The following MATR3 variants were observed in gnomAD, a reference collection of about 807,000 sequenced individuals.
The protein encoded by MATR3 is matrin-3.
A neutral mutation model predicts 85.5 loss-of-function variants in MATR3; 4 were observed. That is an observed-to-expected ratio of 0.05 (90% CI 0.02 to 0.11). MATR3 has a LOEUF of 0.11. Among genes scored for constraint, MATR3 ranks in the 10% least tolerant of loss-of-function variants. The pLI is 1.00. For missense variants in MATR3, 685 were observed against 1,016.1 expected, an observed-to-expected ratio of 0.67 and a Z score of 4.43; for synonymous variants, 336 against 343.1, an observed-to-expected ratio of 0.98 and a Z score of 0.23.
At chr5:139,299,210 A>G (rs1021447353) in intron 1 of MATR3, among the ~76,000 whole-genome samples, 2 of 152,234 alleles carry the variant, frequency 1.3e-5, no homozygotes, top group South Asian at 2.1e-4. Context: ...AATAACTGGT[A>G]TTACATGAAA....
At chr5:139,280,398 A>T (rs1753471014) in intron 3 of MATR3, among the ~76,000 whole-genome samples, 1 of 152,226 alleles carries the variant, frequency 6.6e-6, no homozygotes, top group South Asian at 2.1e-4. Context: ...AGCCAATAGC[A>T]ATGTGTCTTT....
At chr5:139,317,264 C>CT (rs995471717) in intron 6 of MATR3, among the ~76,000 whole-genome samples, 159 bp downstream of exon 6, 1 of 152,200 alleles carries the variant, frequency 6.6e-6, no homozygotes, top group Non-Finnish European at 1.5e-5. Context: ...ACAGTTAAAA[C>CT]TTTAAATTTT....
intron 1 of MATR3, among the ~76,000 whole-genome samples, chr5:139,299,208 G>A (rs538723595): frequency 2.4e-4 from 36 of 152,144 alleles, no homozygotes; most frequent in Non-Finnish European, 4.9e-4. Flanking sequence ...AAAATAACTG[G>A]TATTACATGA....
intron 7 of MATR3, 100 bp downstream of exon 7, chr5:139,317,821 A>T: frequency 1.7e-6 from 2 of 1,199,764 alleles, no homozygotes; most frequent in Non-Finnish European, 2.4e-6. Context: ...AACTCAAGGT[A>T]ATCTTAAGTT....
At chr5:139,279,230 A>C in intron 3 of MATR3, 1 of 447,896 alleles carries the variant, frequency 2.2e-6, no homozygotes, top group Non-Finnish European at 4.5e-6. Context: ...GTAGAGTATC[A>C]GACTTTTTTT....
At position 139,322,932 on chromosome 5, in the gene MATR3, A is replaced by T. The variant is rs772009947; in HGVS notation, c.2113A>T (p.Ser705Cys). The change falls in exon 12 of 15, where the codon AGT (serine) becomes TGT (cysteine). Residue 705 changes from serine to cysteine, a missense_variant. By Grantham distance (112) the Ser-to-Cys change is moderately radical. This residue lies in a region of MATR3 where 215 missense variants were observed against 194.7 expected (regional missense o/e 1.10). Coordinates refer to ENST00000394805, the MANE Select transcript of MATR3 (RefSeq NM_018834.6). Reference protein sequence around the residue: ...PSDKAVKKDGSASAAAKKKLK... With the variant: ...PSDKAVKKDGCASAAAKKKLK... ...AGATAAAGCTGTGAAAAAAGATGGA[A>T]GTGCTTCAGCAGCAGCAAAGAAAAA... is the stretch of plus-strand genomic sequence containing the variant. 1.9e-6 allele frequency: 3 copies of T among 1,614,056 alleles called. No homozygotes were observed. Among genetic ancestry groups the T allele is most frequent in the Non-Finnish European group, 2.5e-6 (3 of 1,180,008 alleles).
At chr5:139,314,814 T>A in intron 3 of MATR3, 78 bp downstream of exon 3, 1 of 1,287,606 alleles carries the variant, frequency 7.8e-7, no homozygotes, top group Non-Finnish European at 1.1e-6. Context: ...GAGTTCATCA[T>A]TTACTTGTAA....
chr5:139,319,311 TTTG>T lies in MATR3; in HGVS notation c.1435-14_1435-12del, dbSNP rs976981491. On this transcript the variant is annotated intron_variant, in intron 8 of 14. Transcript: ENST00000394805. ...CTAATAATTATTGCACATTTGTCCT[TTTG>T]TTGTTGTTATTTATTAAAGAAACCT... The T allele has an allele frequency of 8.7e-6, 14 of 1,605,108 alleles. No homozygotes were observed. The highest frequency in any genetic ancestry group is 5.5e-5 in the South Asian group (5 of 90,796).
intron 1 of MATR3, among the ~76,000 whole-genome samples, chr5:139,275,053 G>C (rs927690618): frequency 6.7e-6 from 1 of 150,254 alleles, no homozygotes; most frequent in Non-Finnish European, 1.5e-5. Context: ...TCGGCTCACT[G>C]CAACCTCCGC....
chr5:139,302,623 G>T (rs1289227098), intron 1 of MATR3, among the ~76,000 whole-genome samples: 1 of 152,112 alleles, frequency 6.6e-6, no homozygotes, highest in Non-Finnish European at 1.5e-5. Flanking sequence ...CTGACCGCAG[G>T]AATCAATATT....
Position 139,308,076 on chromosome 5 carries a change from G to A in MATR3, c.661G>A (p.Asp221Asn). 3 of 1,614,140 alleles carry A rather than the reference G, an allele frequency of 1.9e-6. No homozygotes were observed. The highest frequency in any genetic ancestry group is 2.5e-6 in the Non-Finnish European group (3 of 1,180,010). The change falls in exon 2 of 15, where the codon GAT becomes AAT. Residue 221 changes from aspartate to asparagine, a missense_variant. Physicochemically the swap from Asp to Asn is conservative, Grantham distance 23 (BLOSUM62 1). Coordinates refer to ENST00000394805, the MANE Select transcript of MATR3 (RefSeq NM_018834.6). ...TTATTATGACAGAATGGATTATGAA[G>A]ATGACAGATTAAGAGATGGAGAAAG... Reference protein sequence around the residue: ...SGYYDRMDYEDDRLRDGERCR... With the variant: ...SGYYDRMDYENDRLRDGERCR...
chr5:139,329,482 T>G lies in MATR3; in HGVS notation c.*87T>G. On this transcript the variant is annotated 3_prime_UTR_variant, in exon 15 of 15. Transcript: ENST00000394805. The stretch of plus-strand genomic sequence containing the variant: ...CTTTTTTAAATACAATACTGATAGT[T>G]AGAAGAAAACTATTGTACTCTTTTG... The G allele has an allele frequency of 9.1e-7, 1 of 1,099,264 alleles. No homozygotes were observed. The highest frequency in any genetic ancestry group is 2.9e-4 in the Middle Eastern group (1 of 3,470). The allele number at this position is 1,099,264 out of a possible 1,614,324, so 68.1% of individuals were successfully genotyped here.
chr5:139,305,182 CTT>C (rs1427104866), intron 1 of MATR3, among the ~76,000 whole-genome samples: 2 of 152,128 alleles, frequency 1.3e-5, no homozygotes, highest in Admixed American at 6.6e-5. Context: ...TGTCTTGACT[CTT>C]TTCTGAGTTT....
intron 1 of MATR3, among the ~76,000 whole-genome samples, chr5:139,298,451 A>G (rs1754274784): frequency 6.6e-6 from 1 of 152,122 alleles, no homozygotes; most frequent in Non-Finnish European, 1.5e-5. Context: ...GCGTTCCTGT[A>G]ATTCCAGCTG....
rs1306462127 is a variant in MATR3 at position 139,315,748 on chromosome 5, A to T, written c.1016+10A>T. 2 of 1,605,486 alleles carry T rather than the reference A, an allele frequency of 1.2e-6. No homozygotes were observed. The highest frequency in any genetic ancestry group is 1.7e-6 in the Non-Finnish European group (2 of 1,172,338). ...ATACAGGACACACAATGTAAGTTAA[A>T]TTTTTTAAGCTACCATTTGTAAAGG... On this transcript the variant is annotated intron_variant, in intron 4 of 14. Coordinates refer to ENST00000394805, the MANE Select transcript of MATR3 (RefSeq NM_018834.6).
In MATR3 at chr5:139,313,034, T is replaced by G. The variant is rs1319082240; in HGVS notation, c.913-1641T>G. ...AGGTAAATATAAACCAGTTTTTTTT[T>G]TTTTTTTTTTTAGGAGCTCATTTAT... On this transcript the variant is annotated intron_variant, in intron 2 of 14. Coordinates refer to ENST00000394805, the MANE Select transcript of MATR3 (RefSeq NM_018834.6). 14 of 152,046 alleles carry G rather than the reference T, an allele frequency of 9.2e-5. No homozygotes were observed. The South Asian group carries it at 1.0e-3, about 11-fold the overall frequency. The allele number at this position is 152,046 out of a possible 1,614,324, so 9.4% of individuals were successfully genotyped here. A position where few individuals can be genotyped will look rare whatever the true frequency, so the allele number is the denominator to read the frequency against.
At chr5:139,293,585 C>G, upstream of MATR3, 1 of 178,288 alleles carries the variant, frequency 5.6e-6, no homozygotes, top group Non-Finnish European at 1.2e-5. Context: ...GGCGAGTGCA[C>G]GAGCGAGGTG....
In MATR3 at chr5:139,285,416, A is replaced by G. The variant is rs1336140788; in HGVS notation, c.-178+6287A>G. On this transcript the variant is annotated intron_variant, in intron 3 of 16. Coordinates refer to ENST00000509990, the Ensembl canonical transcript of MATR3. The stretch of plus-strand genomic sequence containing the variant: ...CTAGTCTTGCCCCATGATATGATTT[A>G]TCACTTTTTATTAAAATTCCTCAAT... 2.6e-5 allele frequency: 4 copies of G among 152,362 alleles called. No homozygotes were observed. The East Asian group carries it at 5.8e-4, about 22-fold the overall frequency. 9.4% of individuals were successfully genotyped at this position (152,362 alleles called of 1,614,324 possible). A position where few individuals can be genotyped will look rare whatever the true frequency, so the allele number is the denominator to read the frequency against.
chr5:139,274,142 G>C (rs1010302207), exon 1 of MATR3: 1 of 437,202 alleles, frequency 2.3e-6, no homozygotes, highest in African/African-American at 2.1e-5. Flanking sequence ...TGCGCCCTGC[G>C]GAGCTCCGAA....
Sources: allele counts gnomAD v4.1 joint callset (sites outside exome capture counted in the v4.1 genomes callset), GRCh38; gene constraint gnomAD v4.1.1; regional missense constraint gnomAD v4.1.1; transcripts MANE v1.5; gene names NCBI Gene and HGNC (gene_info 2026-07-23, HGNC 2026-07-21).